Variants in MPV17L observed in about 807,000 individuals in gnomAD.
The protein encoded by MPV17L is mpv17-like protein.
MPV17L carries 24 observed loss-of-function variants against 25.8 expected under a neutral mutation model. The ratio of observed to expected loss-of-function variants is 0.93; its 90% CI spans 0.67 to 1.31. MPV17L has a LOEUF of 1.31. Among genes scored for constraint, MPV17L ranks in the 50% most tolerant of loss-of-function variants. The pLI is 0.00. For missense variants in MPV17L, 250 were observed against 265.6 expected, an observed-to-expected ratio of 0.94 and a Z score of 0.41; for synonymous variants, 102 against 115.3, an observed-to-expected ratio of 0.88 and a Z score of 0.74.
chr16:15,397,451 C>A (rs868481211), intron 1 of MPV17L, among the ~76,000 whole-genome samples: 2 of 152,128 alleles, frequency 1.3e-5, no homozygotes, highest in Non-Finnish European at 2.9e-5. Flanking sequence ...ACAGGCTGAT[C>A]GCTCAAGTTG....
rs2150909466 is a variant in MPV17L at position 15,409,937 on chromosome 16, G to C, written c.*1825G>C. The C allele has an allele frequency of 6.6e-6, 1 of 152,268 alleles. No individual in the cohort carries two copies. The highest frequency in any genetic ancestry group is 3.4e-3 in the Middle Eastern group (1 of 294). 9.4% of individuals were successfully genotyped at this position (152,268 alleles called of 1,614,324 possible). A position where few individuals can be genotyped will look rare whatever the true frequency, so the allele number is the denominator to read the frequency against. On this transcript the variant is annotated 3_prime_UTR_variant, in exon 4 of 4. Coordinates refer to ENST00000396385, the MANE Select transcript of MPV17L (RefSeq NM_001128423.2). ...AATGAATGCTTTTTAGTTTTGGGCA[G>C]ATTCAGTTGACTAAAGCACCTCATT...
intron 2 of MPV17L, 27 bp downstream of exon 2, chr16:15,400,884 C>G (rs752692757): frequency 3.3e-6 from 5 of 1,498,614 alleles, no homozygotes; most frequent in Admixed American, 3.9e-5. Context: ...AAAATGTAAT[C>G]ACTATATTTT....
chr16:15,407,429 G>A (rs1167393311), intron 2 of MPV17L, among the ~76,000 whole-genome samples: 5 of 152,062 alleles, frequency 3.3e-5, no homozygotes, highest in Non-Finnish European at 7.4e-5. Flanking sequence ...AATGAACTGT[G>A]CAATTGTTTT....
At chr16:15,405,647 A>G (rs1343039036) in intron 2 of MPV17L, among the ~76,000 whole-genome samples, 2 of 151,528 alleles carry the variant, frequency 1.3e-5, no homozygotes, top group Non-Finnish European at 2.9e-5. Flanking sequence ...GGGTTTCTAC[A>G]TGTTGGTCAG....
intron 2 of MPV17L, among the ~76,000 whole-genome samples, chr16:15,406,372 A>G (rs1212575537): frequency 6.6e-6 from 1 of 152,134 alleles, no homozygotes; most frequent in African/African-American, 2.4e-5. Context: ...AAAGAAGAAA[A>G]TAAGTCTGTA....
chr16:15,400,975 A>G, intron 2 of MPV17L, 118 bp downstream of exon 2: 1 of 596,024 alleles, frequency 1.7e-6, no homozygotes, highest in Non-Finnish European at 2.4e-6. Flanking sequence ...CTTTTAATTG[A>G]CACATATAAG....
At position 15,400,877 on chromosome 16, in the gene MPV17L, A is replaced by T; in HGVS notation, c.381+20A>T. 1 of 1,532,590 alleles carries T rather than the reference A, an allele frequency of 6.5e-7. No individual in the cohort carries two copies. The highest frequency in any genetic ancestry group is 8.9e-7 in the Non-Finnish European group (1 of 1,124,208). The allele number at this position is 1,532,590 out of a possible 1,614,324, so 94.9% of individuals were successfully genotyped here. On this transcript the variant is annotated intron_variant, in intron 2 of 3. Transcript: ENST00000396385. ...TATCTGGTAAGATAGGCGTTTGAAA[A>T]TGTAATCACTATATTTTTGTGTATA...
rs1030844628 is a variant in MPV17L at position 15,412,365 on chromosome 16, G to A, written c.*4253G>A. The A allele has an allele frequency of 6.6e-6, 1 of 151,572 alleles. No individual in the cohort carries two copies. Among genetic ancestry groups the A allele is most frequent in the Non-Finnish European group, 1.5e-5 (1 of 67,996 alleles). The allele number at this position is 151,572 out of a possible 1,614,324, so 9.4% of individuals were successfully genotyped here. ...GGATCACTCAAGCCCAGGAGGTGGAGGTTGCAGTGAGCCGAGATCACGCCA... is the reference window on the plus strand; with the variant it reads ...GGATCACTCAAGCCCAGGAGGTGGAAGTTGCAGTGAGCCGAGATCACGCCA... On this transcript the variant is annotated 3_prime_UTR_variant, in exon 4 of 4. Coordinates refer to ENST00000396385, the MANE Select transcript of MPV17L (RefSeq NM_001128423.2).
chr16:15,403,299 G>A (rs1468758799), intron 2 of MPV17L, among the ~76,000 whole-genome samples: 1 of 148,190 alleles, frequency 6.7e-6, no homozygotes. Flanking sequence ...AACCCGGGAG[G>A]CAGAGACTGT....
At chr16:15,400,432 C>T (rs2050623609) in intron 1 of MPV17L, among the ~76,000 whole-genome samples, 1 of 150,250 alleles carries the variant, frequency 6.7e-6, no homozygotes, top group Non-Finnish European at 1.5e-5. Context: ...CTCACTGCAG[C>T]CTCCACCTCC....
chr16:15,400,372 A>T (rs2050622757), intron 1 of MPV17L, among the ~76,000 whole-genome samples: 1 of 133,806 alleles, frequency 7.5e-6, no homozygotes. Flanking sequence ...TTTGTTTGAG[A>T]CAGGGTCTTG....
intron 2 of MPV17L, among the ~76,000 whole-genome samples, chr16:15,401,152 AC>A (rs2050638060): frequency 8.0e-6 from 1 of 124,438 alleles, no homozygotes; most frequent in Admixed American, 1.0e-4. Flanking sequence ...TCATTCTGGC[AC>A]CCAGGCTGGA....
chr16:15,399,155 C>T (rs1251529055), intron 1 of MPV17L, among the ~76,000 whole-genome samples: 1 of 149,920 alleles, frequency 6.7e-6, no homozygotes, highest in Non-Finnish European at 1.5e-5. Flanking sequence ...CCCACCTTAG[C>T]GAATTGTAAG....
intron 1 of MPV17L, among the ~76,000 whole-genome samples, chr16:15,397,958 C>G (rs1355319719): frequency 1.3e-5 from 2 of 152,154 alleles, no homozygotes; most frequent in Admixed American, 1.3e-4. Flanking sequence ...TTCCTAGCAC[C>G]TGTTACAGGA....
rs780098235 is a variant in MPV17L, at chr16:15,396,122, G to C, written c.225G>C (p.Pro75=). Residue 75 remains proline, a synonymous_variant, in exon 1 of 4, where the codon CCG becomes CCC. Transcript: ENST00000396385. ...TGCGCCTGCTGGAGCGCGCGCTCCC[G>C]GGCCGAGCGCCGCACGCCCTGCTGG... is the stretch of plus-strand genomic sequence containing the variant. ...VWLRLLERAL[P]GRAPHALLAK... 37 of 1,546,422 alleles carry C rather than the reference G, an allele frequency of 2.4e-5. No homozygotes were observed. The highest frequency in any genetic ancestry group is 1.8e-4 in the Middle Eastern group (1 of 5,704).
chr16:15,397,057 A>T (rs2150903686), intron 1 of MPV17L, among the ~76,000 whole-genome samples: 1 of 152,260 alleles, frequency 6.6e-6, no homozygotes, highest in South Asian at 2.1e-4. Context: ...GACTCCACCA[A>T]GAGGCGGATT....
Position 15,396,185 on chromosome 16 carries a change from C to T in MPV17L, c.288C>T (p.Ile96=). The change falls in exon 1 of 4, where the codon ATC becomes ATT. Residue 96 remains isoleucine (I), a synonymous_variant. Transcript: ENST00000396385. ...LLCDQVVGAP[I]AVSAFYVGMS... Reference sequence around the variant, plus strand: ...GCGACCAGGTGGTCGGTGCGCCCATCGCGGTCTCGGCCTTCTATGTCGGTG... The same window carrying T: ...GCGACCAGGTGGTCGGTGCGCCCATTGCGGTCTCGGCCTTCTATGTCGGTG... The T allele has an allele frequency of 6.5e-7, 1 of 1,550,050 alleles. No homozygotes were observed. Among genetic ancestry groups the T allele is most frequent in the Non-Finnish European group, 8.7e-7 (1 of 1,147,562 alleles).
At chr16:15,399,870 T>C (rs1331673220) in intron 1 of MPV17L, among the ~76,000 whole-genome samples, 1 of 152,044 alleles carries the variant, frequency 6.6e-6, no homozygotes, top group African/African-American at 2.4e-5. Flanking sequence ...AGTGGTACAA[T>C]CTTGGCTCAC....
intron 2 of MPV17L, among the ~76,000 whole-genome samples, chr16:15,403,840 G>A (rs569757709): frequency 1.3e-5 from 2 of 152,176 alleles, no homozygotes; most frequent in African/African-American, 2.4e-5. Flanking sequence ...CAAACCAGTA[G>A]TCTGAAGCCC....
Sources: gnomAD v4.1 joint callset for allele counts (sites outside exome capture counted in the v4.1 genomes callset) on GRCh38, gnomAD v4.1.1 for gene constraint, MANE v1.5 for transcripts, NCBI Gene and HGNC (gene_info 2026-07-23, HGNC 2026-07-21) for gene names.